Variants in SLC75A1 observed in about 807,000 individuals in gnomAD.
The protein encoded by SLC75A1 is major facilitator superfamily domain containing 10.
chr4:2,931,809 C>T, the SLC75A1 span: 1 of 1,583,814 alleles, frequency 6.3e-7, no homozygotes, highest in Non-Finnish European at 8.6e-7. Flanking sequence ...CAGGCCGTCG[C>T]CAGATGGGGA....
At chr4:2,933,893 G>T in the SLC75A1 span, 1 of 1,575,692 alleles carries the variant, frequency 6.3e-7, no homozygotes, top group Admixed American at 1.8e-5. Flanking sequence ...GGTGGGCGCG[G>T]GGTGCAGCCT....
chr4:2,932,769 G>T, the SLC75A1 span: 1 of 1,548,080 alleles, frequency 6.5e-7, no homozygotes, highest in Non-Finnish European at 8.7e-7. Context: ...CTGCCCAGGG[G>T]CAGGGGCCAA....
chr4:2,934,308 T>TCCCGATCCCAAC, the SLC75A1 span: 130 of 205,600 alleles, frequency 6.3e-4, no homozygotes, highest in African/African-American at 3.2e-3. Flanking sequence ...CCGATCCCGA[T>TCCCGATCCCAAC]CCCAACCCCA....
the SLC75A1 span, chr4:2,931,919 G>T: frequency 6.2e-7 from 1 of 1,609,736 alleles, no homozygotes. Flanking sequence ...AGGCCCAGGC[G>T]GCGCAGGCTG....
the SLC75A1 span, chr4:2,933,124 C>T: frequency 8.1e-6 from 13 of 1,613,434 alleles, no homozygotes; most frequent in Admixed American, 5.0e-5. Flanking sequence ...GCAGCATCAC[C>T]GGGCGCCTCC....
the SLC75A1 span, chr4:2,931,811 A>G: frequency 6.3e-7 from 1 of 1,587,382 alleles, no homozygotes; most frequent in Non-Finnish European, 8.6e-7. Flanking sequence ...GGCCGTCGCC[A>G]GATGGGGACC....
At chr4:2,933,658 G>T in the SLC75A1 span, 9 of 1,613,610 alleles carry the variant, frequency 5.6e-6, no homozygotes, top group Non-Finnish European at 6.8e-6. Flanking sequence ...AGCCATAGAG[G>T]GGGTCCTAGG....
chr4:2,933,266 G>C, the SLC75A1 span: 1 of 1,508,930 alleles, frequency 6.6e-7, no homozygotes, highest in Non-Finnish European at 9.1e-7. Flanking sequence ...TGTGGTCTTG[G>C]GGCCCTCAAG....
the SLC75A1 span, chr4:2,934,047 GGCAGGGGCTCTGGCCTACGGAC>G: frequency 1.8e-6 from 2 of 1,085,620 alleles, no homozygotes; most frequent in African/African-American, 1.6e-5. Flanking sequence ...AGGGGCTGAT[GGCAGGGGCTCTGGCCTACGGAC>G]GCAGGGGCCG....
At chr4:2,932,088 G>A in the SLC75A1 span, 3 of 1,611,012 alleles carry the variant, frequency 1.9e-6, no homozygotes, top group African/African-American at 2.7e-5. Flanking sequence ...CAGCCGAGAA[G>A]CGCAGCAGGG....
the SLC75A1 span, chr4:2,933,886 G>T: frequency 6.3e-7 from 1 of 1,579,442 alleles, no homozygotes; most frequent in East Asian, 2.3e-5. Context: ...GTGGATGGGT[G>T]GGCGCGGGGT....
chr4:2,933,651 C>T, the SLC75A1 span: 40 of 1,613,802 alleles, frequency 2.5e-5, no homozygotes, highest in Non-Finnish European at 3.3e-5. Context: ...TGCCAGGAGC[C>T]ATAGAGGGGG....
the SLC75A1 span, chr4:2,933,077 C>G: frequency 6.2e-7 from 1 of 1,604,124 alleles, no homozygotes; most frequent in Admixed American, 1.7e-5. Context: ...AGGAGGCTTC[C>G]CCATGGGCAC....
the SLC75A1 span, chr4:2,933,954 G>A: frequency 1.3e-6 from 2 of 1,541,184 alleles, no homozygotes; most frequent in Non-Finnish European, 1.7e-6. Context: ...CCTGGGTGGG[G>A]TGCGGCGGGT....
At chr4:2,934,088 T>C in the SLC75A1 span, 1 of 738,630 alleles carries the variant, frequency 1.4e-6, no homozygotes, top group Middle Eastern at 3.9e-4. Flanking sequence ...CGTTCTGGCC[T>C]GCGCGATGCC....
chr4:2,932,685 A>G, the SLC75A1 span: 4 of 1,609,776 alleles, frequency 2.5e-6, no homozygotes, highest in Non-Finnish European at 3.4e-6. Flanking sequence ...GATGCCCCCA[A>G]TCAGCCTGGA....
chr4:2,934,527 C>T, the SLC75A1 span: 1 of 102,958 alleles, frequency 9.7e-6, no homozygotes, highest in Non-Finnish European at 2.1e-5. Flanking sequence ...TCCCGTCCCC[C>T]ACCCTGCGCG....
chr4:2,933,354 G>T, the SLC75A1 span: 1 of 966,784 alleles, frequency 1.0e-6, no homozygotes, highest in Non-Finnish European at 1.6e-6. Context: ...GAGCCGAGGG[G>T]GCCCCAATGG....
At chr4:2,933,851 C>T in the SLC75A1 span, 1 of 1,588,132 alleles carries the variant, frequency 6.3e-7, no homozygotes, top group Non-Finnish European at 8.6e-7. Context: ...ACAACGGTGA[C>T]CACGCGGCGC....
Sources: gnomAD v4.1 joint callset for allele counts on GRCh38, gnomAD v4.1.1 for gene constraint, MANE v1.5 for transcripts, NCBI Gene and HGNC (gene_info 2026-07-23, HGNC 2026-07-21) for gene names.